CFAP299: variants seen among roughly 807,000 people sequenced by gnomAD.
The protein encoded by CFAP299 is cilia and flagella associated protein 299.
CFAP299 carries 21 observed loss-of-function variants against 27.0 expected under a neutral mutation model. The ratio of observed to expected loss-of-function variants is 0.78; its 90% CI spans 0.55 to 1.12. CFAP299 has a LOEUF of 1.12. Among genes scored for constraint, CFAP299 ranks in the 50% most tolerant of loss-of-function variants. The pLI is 0.00. For synonymous variants in CFAP299, 104 were observed against 98.1 expected, an observed-to-expected ratio of 1.06 and a Z score of -0.36; for missense variants, 310 against 276.6, an observed-to-expected ratio of 1.12 and a Z score of -0.86.
chr4:80,523,377 T>A (rs936839635), intron 2 of CFAP299, among the ~76,000 whole-genome samples: 6 of 152,162 alleles, frequency 3.9e-5, no homozygotes, highest in Non-Finnish European at 7.3e-5. Context: ...GATCATAAAC[T>A]TTTTTTACTA....
Position 80,627,202 on chromosome 4 carries a change from C to T in CFAP299, c.333+44019C>T, listed in dbSNP as rs182960498. On this transcript the variant is annotated intron_variant, in intron 3 of 5. Coordinates refer to ENST00000358105, the MANE Select transcript of CFAP299 (RefSeq NM_152770.3). ...CAAGGATGGTCCTATATATGCAAATCGGTAAATGTAATACATTACATGAAC... is the reference window on the plus strand; with the variant it reads ...CAAGGATGGTCCTATATATGCAAATTGGTAAATGTAATACATTACATGAAC... 5.1e-3 allele frequency among the ~76,000 whole-genome samples: 775 copies of T among 151,776 alleles called. 5 individuals carry two copies. The highest frequency in any genetic ancestry group is 0.021 in the Middle Eastern group (6 of 292).
intron 2 of CFAP299, among the ~76,000 whole-genome samples, chr4:80,404,969 C>A (rs1290586496): frequency 6.6e-6 from 1 of 152,044 alleles, no homozygotes; most frequent in African/African-American, 2.4e-5. Context: ...TTAATAGTAA[C>A]CATTCTGATG....
chr4:80,517,351 G>T (rs1732638846), intron 2 of CFAP299, among the ~76,000 whole-genome samples: 1 of 152,112 alleles, frequency 6.6e-6, no homozygotes, highest in Non-Finnish European at 1.5e-5. Flanking sequence ...AAGAAATAGA[G>T]GTAGGTCCAT....
chr4:80,393,216 A>G (rs900895655), intron 2 of CFAP299, among the ~76,000 whole-genome samples: 7 of 152,228 alleles, frequency 4.6e-5, no homozygotes, highest in African/African-American at 7.2e-5. Context: ...AAAATATTTT[A>G]TGCAATTGTA....
chr4:80,865,696 G>A (rs189154744), intron 3 of CFAP299, among the ~76,000 whole-genome samples: 51 of 151,908 alleles, frequency 3.4e-4, no homozygotes, highest in Non-Finnish European at 5.9e-4. Context: ...CCAAGTCTTT[G>A]TAGATTCTGT....
intron 3 of CFAP299, among the ~76,000 whole-genome samples, chr4:80,839,620 A>T (rs1371029376): frequency 1.3e-5 from 2 of 152,152 alleles, no homozygotes; most frequent in African/African-American, 2.4e-5. Flanking sequence ...GAATAAGCAG[A>T]TAGAAAATAA....
At chr4:80,737,903 C>T (rs916876864) in intron 3 of CFAP299, among the ~76,000 whole-genome samples, 12 of 152,016 alleles carry the variant, frequency 7.9e-5, no homozygotes, top group African/African-American at 2.9e-4. Flanking sequence ...TTCACTGTAT[C>T]CCAGAGATTT....
chr4:80,687,308 C>T (rs184010158), intron 3 of CFAP299, among the ~76,000 whole-genome samples: 62 of 152,284 alleles, frequency 4.1e-4, no homozygotes, highest in African/African-American at 1.5e-3. Flanking sequence ...AGCCTTAGAA[C>T]TCTTGAAGTT....
chr4:80,637,912 A>G (rs1024373748), intron 3 of CFAP299, among the ~76,000 whole-genome samples: 5 of 152,210 alleles, frequency 3.3e-5, no homozygotes, highest in African/African-American at 1.2e-4. Flanking sequence ...CTTTTGTCAC[A>G]CAAAGTTGAC....
intron 2 of CFAP299, among the ~76,000 whole-genome samples, chr4:80,432,331 T>G (rs1727857352): frequency 1.3e-5 from 2 of 151,888 alleles, no homozygotes; most frequent in Admixed American, 6.6e-5. Context: ...TTTGTATTTT[T>G]TAGTAGAGAC....
intron 2 of CFAP299, among the ~76,000 whole-genome samples, chr4:80,410,364 A>T (rs1483607270): frequency 6.6e-6 from 1 of 152,160 alleles, no homozygotes; most frequent in Non-Finnish European, 1.5e-5. Flanking sequence ...AGTGCAGGGA[A>T]ATACCCTATA....
intron 3 of CFAP299, among the ~76,000 whole-genome samples, chr4:80,643,295 G>A (rs1739823527): frequency 6.6e-6 from 1 of 152,110 alleles, no homozygotes; most frequent in Non-Finnish European, 1.5e-5. Context: ...TTTGAGAGAG[G>A]TGTGGTGATA....
chr4:80,598,564 T>C (rs115575626), intron 3 of CFAP299, among the ~76,000 whole-genome samples: 1 of 152,332 alleles, frequency 6.6e-6, no homozygotes, highest in African/African-American at 2.4e-5. Context: ...AGATTATTTG[T>C]TCAAGCCTAT....
At chr4:80,523,714 A>G (rs1733031577) in intron 2 of CFAP299, among the ~76,000 whole-genome samples, 1 of 152,142 alleles carries the variant, frequency 6.6e-6, no homozygotes, top group Admixed American at 6.6e-5. Flanking sequence ...AGGACTTAGC[A>G]TTTAGACTAT....
Position 80,925,923 on chromosome 4 carries a change from T to C in CFAP299, c.477-18887T>C, listed in dbSNP as rs60356702. Among the ~76,000 whole-genome samples the C allele has an allele frequency of 7.9e-3, 1,195 of 152,204 alleles. 4 individuals are homozygous for C. Among genetic ancestry groups the C allele is most frequent in the African/African-American group, 0.014 (578 of 41,566 alleles). ...TATGGGGCTCACAGCCTAGTTGAAA[T>C]GACAGAATGTGAATCAGTTATTACA... On this transcript the variant is annotated intron_variant, in intron 4 of 5. Coordinates refer to ENST00000358105, the MANE Select transcript of CFAP299 (RefSeq NM_152770.3).
intron 2 of CFAP299, among the ~76,000 whole-genome samples, chr4:80,525,586 A>C (rs1310705202): frequency 6.6e-6 from 1 of 152,128 alleles, no homozygotes; most frequent in African/African-American, 2.4e-5. Flanking sequence ...AAGAGCTCTT[A>C]GGAGTGGGAT....
intron 3 of CFAP299, among the ~76,000 whole-genome samples, chr4:80,750,129 G>A (rs7658674): frequency 0.37 from 56,833 of 151,948 alleles, 13,989 homozygotes; most frequent in African/African-American, 0.7. Flanking sequence ...TATAGTTTAT[G>A]CAAATGTATG....
chr4:80,540,797 A>G (rs1733961986), intron 2 of CFAP299, among the ~76,000 whole-genome samples: 1 of 152,136 alleles, frequency 6.6e-6, no homozygotes, highest in African/African-American at 2.4e-5. Context: ...ATAATGAAGA[A>G]CTCTTAGTAT....
intron 2 of CFAP299, among the ~76,000 whole-genome samples, chr4:80,528,433 A>C (rs115301656): frequency 0.014 from 2,191 of 152,250 alleles, 37 homozygotes; most frequent in African/African-American, 0.035. Context: ...TGTGGTAGGC[A>C]TCAGGGAAAG....
Sources: allele counts gnomAD v4.1 joint callset (sites outside exome capture counted in the v4.1 genomes callset), GRCh38; gene constraint gnomAD v4.1.1; transcripts MANE v1.5; gene names NCBI Gene and HGNC (gene_info 2026-07-23, HGNC 2026-07-21).